Variants in BPI observed in about 807,000 individuals in gnomAD.
BPI encodes the protein bactericidal permeability-increasing protein.
BPI carries 48 observed loss-of-function variants against 57.6 expected under a neutral mutation model. That is an observed-to-expected ratio of 0.83 (90% CI 0.66 to 1.06). The LOEUF (loss-of-function observed/expected upper bound fraction) is 1.06. Among genes scored for constraint, BPI ranks in the 50% least tolerant of loss-of-function variants. The pLI is 0.00. For synonymous variants in BPI, 237 were observed against 238.2 expected, an observed-to-expected ratio of 0.99 and a Z score of 0.05; for missense variants, 651 against 609.7, an observed-to-expected ratio of 1.07 and a Z score of -0.71.
chr20:38,307,377 A>G (rs998193790), intron 1 of BPI, among the ~76,000 whole-genome samples, 190 bp from the exon 2 acceptor site: 1 of 152,226 alleles, frequency 6.6e-6, no homozygotes, highest in Admixed American at 6.5e-5. Flanking sequence ...CAGAGGCAAT[A>G]TGGTTTCCTA....
chr20:38,336,150 C>T (rs747182838), intron 14 of BPI, among the ~76,000 whole-genome samples: 45 of 152,216 alleles, frequency 3.0e-4, no homozygotes, highest in Non-Finnish European at 5.3e-4. Flanking sequence ...TGATGCGCTT[C>T]CTGGGCATGC....
At position 38,334,441 on chromosome 20, in the gene BPI, G is replaced by T. The variant is rs1322217200; in HGVS notation, c.1284G>T (p.Leu428=). ...SNIGPFPVEL[L]QDIMNYIVPI... ...CCTCTGATTTCCAGGTTGAATTGCT[G>T]CAGGATATCATGAACTACATTGTAC... The change falls in exon 13 of 15, where the codon CTG becomes CTT. Residue 428 remains leucine, a synonymous_variant. Transcript: ENST00000642449. 1.2e-6 allele frequency: 2 copies of T among 1,614,006 alleles called. No individual in the cohort carries two copies. The highest frequency in any genetic ancestry group is 1.7e-6 in the Non-Finnish European group (2 of 1,179,862).
intron 5 of BPI, among the ~76,000 whole-genome samples, chr20:38,314,122 AGATGAT>A (rs138957345): frequency 1.4e-5 from 1 of 73,980 alleles, no homozygotes; most frequent in Non-Finnish European, 3.5e-5. Context: ...ATGGTGGGGA[AGATGAT>A]GATGATGATG....
At chr20:38,323,331 A>C (rs1254762640) in intron 7 of BPI, among the ~76,000 whole-genome samples, 1 of 152,240 alleles carries the variant, frequency 6.6e-6, no homozygotes, top group Non-Finnish European at 1.5e-5. Context: ...GCTTTTCAGA[A>C]ACATAAAGAA....
intron 5 of BPI, among the ~76,000 whole-genome samples, chr20:38,313,301 T>C (rs1318758743): frequency 6.8e-6 from 1 of 147,358 alleles, no homozygotes; most frequent in African/African-American, 2.5e-5. Flanking sequence ...GAGAATCGCT[T>C]GAACTTGGGA....
chr20:38,317,857 T>C, intron 5 of BPI: 1 of 1,484,510 alleles, frequency 6.7e-7, no homozygotes, highest in Non-Finnish European at 8.9e-7. Flanking sequence ...TAGTGTTTGT[T>C]CCATTGTGAG....
Position 38,304,323 on chromosome 20 carries a change from G to A in BPI, c.100G>A (p.Val34Ile), listed in dbSNP as rs1447917216. The change falls in exon 1 of 15, where the codon GTC becomes ATC. Residue 34 changes from valine (V) to isoleucine (I), a missense_variant. Coordinates refer to ENST00000642449, the MANE Select transcript of BPI (RefSeq NM_001725.3). ...AGCGGCCGTCAACCCTGGCGTCGTG[G>A]TCAGGATCTCCCAGAAGGGCCTGGA... Reference protein sequence around the residue: ...VTAAVNPGVVVRISQKGLDYA... With the variant: ...VTAAVNPGVVIRISQKGLDYA... 2 of 1,613,916 alleles carry A rather than the reference G, an allele frequency of 1.2e-6. No individual in the cohort carries two copies. Among genetic ancestry groups the A allele is most frequent in the African/African-American group, 1.3e-5 (1 of 74,914 alleles).
At chr20:38,318,094 A>C in intron 5 of BPI, 1 of 964,838 alleles carries the variant, frequency 1.0e-6, no homozygotes, top group African/African-American at 1.8e-5. Context: ...AACAGAAACA[A>C]AAGAAAAAAC....
rs5743523 is a variant in BPI, at chr20:38,326,322, C to T, written c.1051C>T (p.Pro351Ser). Residue 351 changes from proline to serine, a missense_variant, in exon 10 of 15, where the codon CCA (proline) becomes TCA (serine). By Grantham distance (74) the Pro-to-Ser change is moderately conservative (BLOSUM62 -1). Coordinates refer to ENST00000642449, the MANE Select transcript of BPI (RefSeq NM_001725.3). ...IQIHVSASTP[P>S]HLSVQPTGLT... Reference sequence around the variant, plus strand: ...GATCCATGTCTCAGCCTCCACCCCGCCACACCTGTCTGTGCAGCCCACCGG... The same window carrying T: ...GATCCATGTCTCAGCCTCCACCCCGTCACACCTGTCTGTGCAGCCCACCGG... 0.025 allele frequency: 40,393 copies of T among 1,614,114 alleles called. 4,342 individuals are homozygous for T. The East Asian group carries it at 0.41, about 16-fold the overall frequency.
At chr20:38,319,015 A>T (rs6064382) in intron 6 of BPI, among the ~76,000 whole-genome samples, 73,517 of 152,006 alleles carry the variant, frequency 0.48, 18,105 homozygotes, top group South Asian at 0.52. Context: ...CAGGCGGACC[A>T]CCTGAGGTCA....
chr20:38,326,175 G>T (rs2076711881), intron 9 of BPI, 90 bp from the exon 10 acceptor site: 2 of 1,303,566 alleles, frequency 1.5e-6, no homozygotes, highest in Non-Finnish European at 1.1e-6. Context: ...GACATTGAAG[G>T]TATTTAAGTA....
intron 5 of BPI, among the ~76,000 whole-genome samples, chr20:38,314,005 G>T (rs1207424594): frequency 6.7e-6 from 1 of 149,422 alleles, no homozygotes; most frequent in Non-Finnish European, 1.5e-5. Flanking sequence ...GTTGATGATG[G>T]TGATAGTAAT....
In BPI at chr20:38,318,603, G is replaced by C; in HGVS notation, c.664+127G>C. 5.0e-6 allele frequency: 5 copies of C among 991,172 alleles called. No homozygotes were observed. The South Asian group carries it at 6.5e-5, about 13-fold the overall frequency. 61.4% of individuals were successfully genotyped at this position (991,172 alleles called of 1,614,324 possible). On this transcript the variant is annotated intron_variant, in intron 6 of 14. Transcript: ENST00000642449. ...CTGGGCCTGGGTGGGAATGAGCAGA[G>C]TAGTACATTATTTTCAAGAGGCAGC...
At chr20:38,306,909 A>G (rs2076599281) in intron 1 of BPI, among the ~76,000 whole-genome samples, 1 of 152,098 alleles carries the variant, frequency 6.6e-6, no homozygotes, top group African/African-American at 2.4e-5. Context: ...AGGGCCGGTC[A>G]TGGTGGCTCA....
chr20:38,327,685 C>G, intron 11 of BPI, 30 bp downstream of exon 11: 1 of 1,606,532 alleles, frequency 6.2e-7, no homozygotes, highest in African/African-American at 1.3e-5. Flanking sequence ...GAGGAGGGGG[C>G]TGCCCCTCTG....
chr20:38,328,272 G>A (rs1220399803), intron 11 of BPI, among the ~76,000 whole-genome samples: 1 of 152,170 alleles, frequency 6.6e-6, no homozygotes, highest in East Asian at 1.9e-4. Flanking sequence ...GCCCAGTAAG[G>A]CCAGGCGCGG....
At chr20:38,307,459 C>A in intron 1 of BPI, 108 bp from the exon 2 acceptor site, 1 of 746,202 alleles carries the variant, frequency 1.3e-6, no homozygotes, top group Non-Finnish European at 2.2e-6. Context: ...CCTTCCAGTG[C>A]CACTGTCCAT....
chr20:38,317,952 A>G (rs992062694), intron 5 of BPI: 9 of 985,364 alleles, frequency 9.1e-6, no homozygotes, highest in Non-Finnish European at 1.1e-5. Flanking sequence ...ACCAAACATG[A>G]GGGTGCCCAC....
intron 2 of BPI, among the ~76,000 whole-genome samples, chr20:38,308,594 A>G (rs1046206905): frequency 2.6e-5 from 4 of 152,164 alleles, no homozygotes; most frequent in African/African-American, 9.7e-5. Context: ...CTTCTATTTT[A>G]TCTTCATTGA....
Sources: gnomAD v4.1 joint callset for allele counts (sites outside exome capture counted in the v4.1 genomes callset) on GRCh38, gnomAD v4.1.1 for gene constraint, MANE v1.5 for transcripts, NCBI Gene and HGNC (gene_info 2026-07-23, HGNC 2026-07-21) for gene names.